DPP6: variants seen among roughly 807,000 people sequenced by gnomAD.
The protein encoded by DPP6 is A-type potassium channel modulatory protein DPP6.
DPP6 carries 69 observed loss-of-function variants against 122.6 expected under a neutral mutation model. That is an observed-to-expected ratio of 0.56 (90% confidence interval 0.46 to 0.69). DPP6 has a LOEUF of 0.69. Among genes scored for constraint, DPP6 ranks in the 30% least tolerant of loss-of-function variants. The pLI is 0.00. For synonymous variants in DPP6, 418 were observed against 433.1 expected, an observed-to-expected ratio of 0.97 and a Z score of 0.43; for missense variants, 928 against 1,116.9, an observed-to-expected ratio of 0.83 and a Z score of 2.41.
chr7:154,562,222 A>G (rs893129918), intron 4 of DPP6, among the ~76,000 whole-genome samples: 1 of 152,172 alleles, frequency 6.6e-6, no homozygotes, highest in Non-Finnish European at 1.5e-5. Flanking sequence ...TGAGTCCAAC[A>G]ATATATAAAA....
chr7:154,610,187 G>C (rs892229865), intron 5 of DPP6, among the ~76,000 whole-genome samples: 12 of 152,204 alleles, frequency 7.9e-5, no homozygotes, highest in African/African-American at 2.7e-4. Context: ...GAAGACGTCT[G>C]TTAATTAACT....
intron 1 of DPP6, among the ~76,000 whole-genome samples, chr7:153,937,485 G>C (rs975365172): frequency 3.8e-5 from 5 of 132,620 alleles, no homozygotes; most frequent in African/African-American, 9.1e-5. Flanking sequence ...GTCTCACTTG[G>C]TTGCCCAGGC....
At chr7:153,928,395 C>CTTTTTTTTTTTTTTTTTTTTTTTTTT (rs1467865041) in intron 1 of DPP6, among the ~76,000 whole-genome samples, 10 of 30,000 alleles carry the variant, frequency 3.3e-4, no homozygotes, top group East Asian at 7.5e-4. Flanking sequence ...TCTTTTCTTT[C>CTTTTTTTTTTTTTTTTTTTTTTTTTT]ATTTTTTTTT....
chr7:154,753,591 T>G (rs1465187423), intron 8 of DPP6, among the ~76,000 whole-genome samples: 1 of 152,210 alleles, frequency 6.6e-6, no homozygotes, highest in Non-Finnish European at 1.5e-5. Context: ...TGGGGCAGGA[T>G]GAAGCTCACG....
chr7:154,291,671 T>G (rs996746057), intron 1 of DPP6, among the ~76,000 whole-genome samples: 2 of 152,216 alleles, frequency 1.3e-5, no homozygotes, highest in African/African-American at 4.8e-5. Context: ...AAAATAAGAT[T>G]GACCTGACTC....
At chr7:154,204,340 G>A (rs1265820739) in intron 1 of DPP6, among the ~76,000 whole-genome samples, 1 of 152,208 alleles carries the variant, frequency 6.6e-6, no homozygotes, top group African/African-American at 2.4e-5. Flanking sequence ...TGGGAAGTGG[G>A]GAGGGAGTCA....
intron 3 of DPP6, among the ~76,000 whole-genome samples, chr7:154,539,551 C>T (rs1044734600): frequency 3.3e-5 from 5 of 151,490 alleles, no homozygotes; most frequent in Non-Finnish European, 7.4e-5. Context: ...TTAATGGGTG[C>T]AGCACACCAA....
At chr7:154,480,263 C>G (rs1277611630) in intron 3 of DPP6, among the ~76,000 whole-genome samples, 1 of 152,176 alleles carries the variant, frequency 6.6e-6, no homozygotes, top group Non-Finnish European at 1.5e-5. Context: ...CTTCCCTGTT[C>G]CCCTTTGCAG....
chr7:154,183,363 A>G (rs1415625306), intron 1 of DPP6, among the ~76,000 whole-genome samples: 1 of 150,754 alleles, frequency 6.6e-6, no homozygotes, highest in Non-Finnish European at 1.5e-5. Context: ...ATTCATTACA[A>G]TGAAAAACAG....
Position 154,575,111 on chromosome 7 carries a change from TTGTG to T in DPP6, c.627+8204_627+8207del, listed in dbSNP as rs1302955183. Among the ~76,000 whole-genome samples the T allele has an allele frequency of 8.0e-3, 1,032 of 129,750 alleles. 13 individuals are homozygous for T. The highest frequency in any genetic ancestry group is 0.029 in the African/African-American group (978 of 34,172). 85.1% of individuals were successfully genotyped at this position (129,750 alleles called of 152,430 possible). A position where few individuals can be genotyped will look rare whatever the true frequency, so the allele number is the denominator to read the frequency against. On this transcript the variant is annotated intron_variant, in intron 5 of 25. Transcript: ENST00000377770. ...GATGTGCGTGTGGTGTGTATGCTGT[TTGTG>T]TGTGTGTGGTGTGTGTGTGGTATGT... is the stretch of plus-strand genomic sequence containing the variant.
intron 1 of DPP6, among the ~76,000 whole-genome samples, chr7:154,278,808 A>G (rs941700599): frequency 6.6e-6 from 1 of 152,078 alleles, no homozygotes; most frequent in Admixed American, 6.6e-5. Context: ...GAGTGTATGT[A>G]TGTGTGTGTG....
chr7:154,606,570 C>T (rs1833592764), intron 5 of DPP6, among the ~76,000 whole-genome samples: 1 of 120,486 alleles, frequency 8.3e-6, no homozygotes, highest in African/African-American at 2.6e-5. Flanking sequence ...TTTTAAACAT[C>T]TAACTTAAAG....
At chr7:154,129,540 A>T (rs1472065596) in intron 1 of DPP6, among the ~76,000 whole-genome samples, 1 of 152,062 alleles carries the variant, frequency 6.6e-6, no homozygotes, top group Non-Finnish European at 1.5e-5. Flanking sequence ...AGATAGGCGG[A>T]TTGCTTCAGC....
At chr7:153,760,743 C>T in the DPP6 span, among the ~76,000 whole-genome samples, 2 of 152,116 alleles carry the variant, frequency 1.3e-5, no homozygotes, top group Non-Finnish European at 2.9e-5. Flanking sequence ...TTGAGAGTGG[C>T]TTATCTGAGC....
At chr7:154,100,637 T>C (rs1805664844) in intron 1 of DPP6, among the ~76,000 whole-genome samples, 1 of 86,158 alleles carries the variant, frequency 1.2e-5, no homozygotes, top group Non-Finnish European at 2.2e-5. Flanking sequence ...TTCCGAGGCT[T>C]CCGCACTGCT....
At chr7:153,952,188 GA>G (rs1802250103) in intron 1 of DPP6, among the ~76,000 whole-genome samples, 1 of 152,204 alleles carries the variant, frequency 6.6e-6, no homozygotes. Flanking sequence ...TAGCCTTTGT[GA>G]AAAGAATAGT....
rs148343472 is a variant in DPP6 at position 154,555,981 on chromosome 7, T to G, written c.553-10861T>G. ...ACAATCCTAATTAGAACTCTGAAACTGCTTTAGTGTAAACATTTTGCAAAA... is the reference window on the plus strand; with the variant it reads ...ACAATCCTAATTAGAACTCTGAAACGGCTTTAGTGTAAACATTTTGCAAAA... On this transcript the variant is annotated intron_variant, in intron 4 of 25. Coordinates refer to ENST00000377770, the MANE Select transcript of DPP6 (RefSeq NM_130797.4). 2.0e-3 allele frequency among the ~76,000 whole-genome samples: 312 copies of G among 152,280 alleles called. 1 individual carries two copies. Among genetic ancestry groups the G allele is most frequent in the Non-Finnish European group, 2.7e-3 (184 of 68,006 alleles).
chr7:154,184,310 G>A (rs1457287149), intron 1 of DPP6, among the ~76,000 whole-genome samples: 2 of 151,826 alleles, frequency 1.3e-5, no homozygotes, highest in East Asian at 3.9e-4. Context: ...CCCCTGGGAG[G>A]CTGAGTAGGT....
chr7:153,787,042 C>T, the DPP6 span, among the ~76,000 whole-genome samples: 2 of 146,478 alleles, frequency 1.4e-5, no homozygotes, highest in African/African-American at 2.5e-5. Context: ...AGCTCCGCTT[C>T]CCGGGTTCAC....
Sources: gnomAD v4.1 joint callset for allele counts (sites outside exome capture counted in the v4.1 genomes callset) on GRCh38, gnomAD v4.1.1 for gene constraint, MANE v1.5 for transcripts, NCBI Gene and HGNC (gene_info 2026-07-23, HGNC 2026-07-21) for gene names.